ZNF462: variants seen among roughly 807,000 people sequenced by gnomAD.
ZNF462 encodes the protein zinc finger PBX1-interacting protein.
ZNF462 carries 10 observed loss-of-function variants against 201.9 expected under a neutral mutation model. That is an observed-to-expected ratio of 0.05 (90% CI 0.03 to 0.08). The LOEUF is 0.08. Ranked by LOEUF, ZNF462 falls within the 10% of genes least tolerant of loss-of-function variation. The probability of loss-of-function intolerance (pLI) is 1.00; values close to 1 mark genes in which losing one functional copy is unlikely to be tolerated. For missense variants in ZNF462, 2,523 were observed against 3,168.3 expected, an observed-to-expected ratio of 0.80 and a Z score of 4.89; for synonymous variants, 1,227 against 1,193.3, an observed-to-expected ratio of 1.03 and a Z score of -0.58.
In ZNF462 at chr9:106,930,882, G is replaced by A. The variant is rs188146082; in HGVS notation, c.6012+193G>A. The A allele has an allele frequency of 3.5e-4, 213 of 614,162 alleles. 1 individual carries two copies. The highest frequency in any genetic ancestry group is 3.4e-3 in the African/African-American group (185 of 54,280). The allele number at this position is 614,162 out of a possible 1,614,324, so 38.0% of individuals were successfully genotyped here. On this transcript the variant is annotated intron_variant, in intron 4 of 12. Coordinates refer to ENST00000277225, the MANE Select transcript of ZNF462 (RefSeq NM_021224.6). This position sits in a 1 kb window ranked among gnomAD's most constrained non-coding sequence, Gnocchi z 5.8. ...TCATCTTTCTGTTCAGGGAAAGGTC[G>A]AGTTTCGATCTGGTTTCCTTCCACG...
intron 1 of ZNF462, among the ~76,000 whole-genome samples, chr9:106,882,738 T>TTC (rs1828153708): frequency 1.3e-5 from 2 of 152,128 alleles, no homozygotes; most frequent in South Asian, 4.1e-4. Flanking sequence ...TTCAAGGCCA[T>TTC]TGGTTCTGGA....
chr9:106,911,497 A>T (rs1829547024), intron 1 of ZNF462, among the ~76,000 whole-genome samples: 1 of 152,110 alleles, frequency 6.6e-6, no homozygotes, highest in African/African-American at 2.4e-5. Context: ...AAATTACTGG[A>T]CCTCAACACC....
At chr9:106,898,137 A>T (rs184663938) in intron 1 of ZNF462, among the ~76,000 whole-genome samples, 1 of 152,218 alleles carries the variant, frequency 6.6e-6, no homozygotes, top group Middle Eastern at 3.2e-3. Context: ...ACTAAGTCTT[A>T]TAATAACATT....
chr9:107,003,420 G>A lies in ZNF462; in HGVS notation c.7183G>A (p.Asp2395Asn), dbSNP rs545839916. Residue 2395 changes from aspartate (D) to asparagine (N), a missense_variant, in exon 11 of 13, where the codon GAC (aspartate) becomes AAC (asparagine). Transcript: ENST00000277225. The surrounding 1 kb of genome is among the most constrained non-coding windows in gnomAD (Gnocchi z 4.4). ...AGAAGAAATGAACAGCAAGGCTGAA[G>A]ACAGAGGTTAGTCTCATCCTGCCCT... The part of the protein sequence containing the change: ...KEEEMNSKAE[D>N]RELMRFSDHG... The A allele has an allele frequency of 2.5e-6, 4 of 1,613,512 alleles. No individual in the cohort carries two copies. The highest frequency in any genetic ancestry group is 2.2e-5 in the East Asian group (1 of 44,794).
At position 106,927,905 on chromosome 9, in the gene ZNF462, C is replaced by T; in HGVS notation, c.3993C>T (p.Tyr1331=). 4 of 1,614,188 alleles carry T rather than the reference C, an allele frequency of 2.5e-6. No homozygotes were observed. Among genetic ancestry groups the T allele is most frequent in the Non-Finnish European group, 3.4e-6 (4 of 1,180,040 alleles). ...HTEPNGLLLH[Y]QRRHPEHYVD... ...AGCCCAACGGTTTGCTCCTGCATTA[C>T]CAACGGAGGCATCCAGAACACTATG... Residue 1331 remains tyrosine (Y), a synonymous_variant, in exon 3 of 13, where the codon TAC becomes TAT. Transcript: ENST00000277225.
In ZNF462 at chr9:106,925,734, T is replaced by G. The variant is rs1830168064; in HGVS notation, c.1822T>G (p.Ser608Ala). 1 of 1,614,026 alleles carries G rather than the reference T, an allele frequency of 6.2e-7. No individual in the cohort carries two copies. Among genetic ancestry groups the G allele is most frequent in the African/African-American group, 1.3e-5 (1 of 74,896 alleles). Reference sequence around the variant, plus strand: ...ATACAAATGCACCATGTGTAATTACTCCACCACAACTCTGAAAGGGCTAAG... The same window carrying G: ...ATACAAATGCACCATGTGTAATTACGCCACCACAACTCTGAAAGGGCTAAG... ...HPYKCTMCNY[S>A]TTTLKGLRVH... The change falls in exon 3 of 13, where the codon TCC becomes GCC. Residue 608 changes from serine (S) to alanine (A), a missense_variant. Physicochemically the swap from Ser to Ala is moderately conservative, Grantham distance 99. Transcript: ENST00000277225. This position sits in a 1 kb window ranked among gnomAD's most constrained non-coding sequence, Gnocchi z 7.9.
intron 1 of ZNF462, among the ~76,000 whole-genome samples, chr9:106,899,389 A>C (rs1189001089): frequency 1.3e-5 from 2 of 152,180 alleles, no homozygotes; most frequent in East Asian, 3.8e-4. Context: ...TGAGGCAGTG[A>C]GGACTGACTC....
In ZNF462 at chr9:106,926,239, A is replaced by G. The variant is rs917754776; in HGVS notation, c.2327A>G (p.Asn776Ser). Residue 776 changes from asparagine to serine, a missense_variant, in exon 3 of 13, where the codon AAC (asparagine) becomes AGC (serine). Asn to Ser is a conservative substitution (Grantham distance 46). Transcript: ENST00000277225. The surrounding 1 kb of genome is among the most constrained non-coding windows in gnomAD (Gnocchi z 7.9). ...SEPQKEPNFR[N>S]ITHDYNATNG... ...CCCCAGAAAGAGCCCAACTTCAGAA[A>G]CATCACCCACGATTACAATGCCACC... is the stretch of plus-strand genomic sequence containing the variant. The G allele has an allele frequency of 2.5e-6, 4 of 1,614,090 alleles. No individual in the cohort carries two copies. The highest frequency in any genetic ancestry group is 1.7e-5 in the Admixed American group (1 of 60,008).
chr9:106,871,072 C>G (rs1157089118), intron 1 of ZNF462, among the ~76,000 whole-genome samples: 1 of 152,194 alleles, frequency 6.6e-6, no homozygotes, highest in Non-Finnish European at 1.5e-5. Context: ...TGTGCCTTAA[C>G]ATTGTACTTA....
chr9:106,923,998 A>T lies in ZNF462; in HGVS notation c.221-135A>T, dbSNP rs1028255074. On this transcript the variant is annotated intron_variant, in intron 2 of 12. Transcript: ENST00000277225. The surrounding 1 kb of genome is among the most constrained non-coding windows in gnomAD (Gnocchi z 5.6). ...ATTGATGCTTTGTGAATACTCTTCA[A>T]GGCCTCATCTTGAGACTTCAGGCCT... is the stretch of plus-strand genomic sequence containing the variant. 5 of 719,486 alleles carry T rather than the reference A, an allele frequency of 6.9e-6. No individual in the cohort carries two copies. Among genetic ancestry groups the T allele is most frequent in the Non-Finnish European group, 4.5e-6 (2 of 443,524 alleles). The allele number at this position is 719,486 out of a possible 1,614,324, so 44.6% of individuals were successfully genotyped here. A position where few individuals can be genotyped will look rare whatever the true frequency, so the allele number is the denominator to read the frequency against.
intron 1 of ZNF462, among the ~76,000 whole-genome samples, chr9:106,881,465 C>T (rs1245332744): frequency 6.6e-6 from 1 of 152,152 alleles, no homozygotes; most frequent in Non-Finnish European, 1.5e-5. Flanking sequence ...GAAAAAAAAT[C>T]CACTTTGTAA....
rs1826852281 is a variant in ZNF462 at position 106,974,522 on chromosome 9, T to G, written c.6832+249T>G. 1.8e-6 allele frequency: 1 copy of G among 551,236 alleles called. No individual in the cohort carries two copies. The highest frequency in any genetic ancestry group is 3.3e-5 in the East Asian group (1 of 29,980). 34.1% of individuals were successfully genotyped at this position (551,236 alleles called of 1,614,324 possible). ...CTGCAGTGAACATTTCCGTAGGGCT[T>G]CCCAGCATGGGGGATTTGTACATTC... On this transcript the variant is annotated intron_variant, in intron 9 of 12. Transcript: ENST00000277225. This position sits in a 1 kb window ranked among gnomAD's most constrained non-coding sequence, Gnocchi z 4.0.
chr9:106,895,326 G>C lies in ZNF462; in HGVS notation c.-30-28028G>C, dbSNP rs1193552630. ...ATTAGACAGAGTGCACCAAGCATTAGCTTCTGCCCGTGCTCCCTTCTAAAT... is the reference window on the plus strand; with the variant it reads ...ATTAGACAGAGTGCACCAAGCATTACCTTCTGCCCGTGCTCCCTTCTAAAT... On this transcript the variant is annotated intron_variant, in intron 1 of 12. Transcript: ENST00000277225. This position sits in a 1 kb window ranked among gnomAD's most constrained non-coding sequence, Gnocchi z 4.4. Among the ~76,000 whole-genome samples the C allele has an allele frequency of 2.0e-5, 3 of 152,150 alleles. No homozygotes were observed. Among genetic ancestry groups the C allele is most frequent in the African/African-American group, 7.2e-5 (3 of 41,428 alleles).
intron 7 of ZNF462, among the ~76,000 whole-genome samples, chr9:106,967,069 T>C (rs1283746509): frequency 3.3e-5 from 5 of 152,134 alleles, no homozygotes; most frequent in Non-Finnish European, 5.9e-5. Context: ...TATTCTTCCT[T>C]GTGTCTTCCT....
intron 7 of ZNF462, among the ~76,000 whole-genome samples, chr9:106,960,058 C>T (rs1831759713): frequency 6.6e-6 from 1 of 152,090 alleles, no homozygotes; most frequent in Non-Finnish European, 1.5e-5. Flanking sequence ...TTTGTTGGCT[C>T]AGAGACTCCC....
rs1375792078 is a variant in ZNF462, at chr9:107,013,353, CAT to C, written c.*2325_*2326del. 1 of 152,072 alleles carries C rather than the reference CAT, an allele frequency of 6.6e-6. No homozygotes were observed. The highest frequency in any genetic ancestry group is 2.4e-5 in the African/African-American group (1 of 41,428). 9.4% of individuals were successfully genotyped at this position (152,072 alleles called of 1,614,324 possible). A position where few individuals can be genotyped will look rare whatever the true frequency, so the allele number is the denominator to read the frequency against. On this transcript the variant is annotated 3_prime_UTR_variant, in exon 13 of 13. Coordinates refer to ENST00000277225, the MANE Select transcript of ZNF462 (RefSeq NM_021224.6). ...ATTATAATTCTGTTGACTGTAATGA[CAT>C]AGAATTTACAACATTTTTTGTTGTT...
rs1272824536 is a variant in ZNF462 at position 106,978,593 on chromosome 9, G to A, written c.6832+4320G>A. 1.3e-5 allele frequency among the ~76,000 whole-genome samples: 2 copies of A among 151,528 alleles called. No homozygotes were observed. Among genetic ancestry groups the A allele is most frequent in the Non-Finnish European group, 2.9e-5 (2 of 68,042 alleles). Reference sequence around the variant, plus strand: ...GACCATGATTTGATGAGTTTAACTAGGGAAAAATTAAGCCCTGAACTTCTC... The same window carrying A: ...GACCATGATTTGATGAGTTTAACTAAGGAAAAATTAAGCCCTGAACTTCTC... On this transcript the variant is annotated intron_variant, in intron 9 of 12. Coordinates refer to ENST00000277225, the MANE Select transcript of ZNF462 (RefSeq NM_021224.6). This position sits in a 1 kb window ranked among gnomAD's most constrained non-coding sequence, Gnocchi z 4.1.
chr9:106,864,983 A>G (rs1288193837), intron 1 of ZNF462, among the ~76,000 whole-genome samples: 2 of 151,984 alleles, frequency 1.3e-5, no homozygotes, highest in Admixed American at 1.3e-4. Context: ...AAAATTATGG[A>G]TGTCTCCATT....
At chr9:106,906,177 T>A (rs141566729) in intron 1 of ZNF462, among the ~76,000 whole-genome samples, 195 of 151,748 alleles carry the variant, frequency 1.3e-3, no homozygotes, top group African/African-American at 4.2e-3. Flanking sequence ...CAGTGGGGGG[T>A]GTGTGTTTGG....
Sources: gnomAD v4.1 joint callset for allele counts (sites outside exome capture counted in the v4.1 genomes callset) on GRCh38, gnomAD v4.1.1 for gene constraint, Gnocchi (gnomAD v3.1) non-coding constraint, MANE v1.5 for transcripts, NCBI Gene and HGNC (gene_info 2026-07-23, HGNC 2026-07-21) for gene names.